Variants in DLGAP2 observed in about 807,000 individuals in gnomAD.
DLGAP2 encodes the protein disks large-associated protein 2.
A neutral mutation model predicts 100.3 loss-of-function variants in DLGAP2; 26 were observed. The ratio of observed to expected loss-of-function variants is 0.26; its 90% CI spans 0.19 to 0.36. DLGAP2 has a LOEUF of 0.36. Ranked by LOEUF, DLGAP2 falls within the 10% of genes least tolerant of loss-of-function variation. The pLI, the probability that DLGAP2 is intolerant of heterozygous loss-of-function variation, is 1.00. For synonymous variants in DLGAP2, 886 were observed against 630.1 expected (o/e 1.41, Z -6.08); for missense variants, 1,858 against 1,453.2 (o/e 1.28, Z -4.53).
Position 1,565,376 on chromosome 8 carries a change from A to C in DLGAP2, c.1231-307A>C, listed in dbSNP as rs576294906. The C allele has an allele frequency of 9.9e-6, 3 of 301,950 alleles. No individual in the cohort carries two copies. In the East Asian group the frequency reaches 1.7e-4, roughly 17 times the overall value. The allele number at this position is 301,950 out of a possible 1,614,324, so 18.7% of individuals were successfully genotyped here. On this transcript the variant is annotated intron_variant, in intron 5 of 14. Coordinates refer to ENST00000637795, the MANE Select transcript of DLGAP2 (RefSeq NM_001346810.2). ...TTTCCTCTTATACCAGAGGGAAATA[A>C]AACTAAATTTTAGCCAGTGCTTTGT...
chr8:1,510,367 G>T (rs910004543), intron 4 of DLGAP2, among the ~76,000 whole-genome samples: 5 of 152,338 alleles, frequency 3.3e-5, no homozygotes. Flanking sequence ...CAGGCTTCCA[G>T]AGGAACTCTG....
chr8:1,244,643 C>G (rs921469418), intron 2 of DLGAP2, among the ~76,000 whole-genome samples: 1 of 151,766 alleles, frequency 6.6e-6, no homozygotes, highest in Admixed American at 6.6e-5. Flanking sequence ...CAAAATGGGT[C>G]GAAGACCTAA....
intron 3 of DLGAP2, among the ~76,000 whole-genome samples, chr8:1,453,880 A>G (rs527329500): frequency 6.6e-6 from 1 of 152,348 alleles, no homozygotes; most frequent in East Asian, 1.9e-4. Context: ...GAAACTGGAT[A>G]TTCAGATGCT....
At chr8:1,185,279 T>A (rs73537272) in intron 2 of DLGAP2, among the ~76,000 whole-genome samples, 18,233 of 152,070 alleles carry the variant, frequency 0.12, 2,158 homozygotes, top group African/African-American at 0.31. Flanking sequence ...TTTGTCAAAC[T>A]TCAGGGCTGT....
intron 1 of DLGAP2, among the ~76,000 whole-genome samples, chr8:784,870 G>A (rs1366012445): frequency 6.6e-6 from 1 of 152,118 alleles, no homozygotes; most frequent in Non-Finnish European, 1.5e-5. Flanking sequence ...CTTGACCTCA[G>A]GAGGTGTGAG....
intron 13 of DLGAP2, among the ~76,000 whole-genome samples, chr8:1,694,431 A>G (rs1244328343): frequency 6.6e-6 from 1 of 152,244 alleles, no homozygotes; most frequent in Non-Finnish European, 1.5e-5. Flanking sequence ...GACTGACCAC[A>G]GGGAGCGGAG....
intron 2 of DLGAP2, among the ~76,000 whole-genome samples, chr8:1,218,875 C>G (rs1406025823): frequency 2.6e-5 from 4 of 151,908 alleles, no homozygotes; most frequent in Admixed American, 2.6e-4. Context: ...GAATTTTATT[C>G]ATTTTGTGAC....
In DLGAP2 at chr8:1,078,803, C is replaced by A. The variant is rs74593063; in HGVS notation, c.73+170837C>A. On this transcript the variant is annotated intron_variant, in intron 2 of 14. Transcript: ENST00000637795. ...AATGTACCATAGTTTATTCATTCACCTAATGAAGGACATCGCAGTTGCTTC... is the reference window on the plus strand; with the variant it reads ...AATGTACCATAGTTTATTCATTCACATAATGAAGGACATCGCAGTTGCTTC... 3.6e-3 allele frequency among the ~76,000 whole-genome samples: 555 copies of A among 152,232 alleles called. 26 individuals carry two copies. In the East Asian group the frequency reaches 0.098, roughly 27 times the overall value.
At position 744,231 on chromosome 8, in the gene DLGAP2, CG is replaced by C. The variant is rs1205541548; in HGVS notation, c.18+6407del. Among the ~76,000 whole-genome samples the C allele has an allele frequency of 7.2e-5, 11 of 152,276 alleles. No homozygotes were observed. In the South Asian group the frequency reaches 2.3e-3, roughly 32 times the overall value. On this transcript the variant is annotated intron_variant, in intron 1 of 14. Coordinates refer to ENST00000637795, the MANE Select transcript of DLGAP2 (RefSeq NM_001346810.2). ...AGCGTCTCCTCTCCACATATACCCC[CG>C]ACCCACGAGATTGGGTTGGGAAGGT...
chr8:880,203 C>T (rs944434620), intron 1 of DLGAP2, among the ~76,000 whole-genome samples: 4 of 152,200 alleles, frequency 2.6e-5, no homozygotes, highest in Admixed American at 1.3e-4. Context: ...ATCTCCTTCT[C>T]TTAGGTTTGT....
intron 1 of DLGAP2, among the ~76,000 whole-genome samples, chr8:777,373 G>A (rs1821551953): frequency 6.6e-6 from 1 of 151,740 alleles, no homozygotes; most frequent in Non-Finnish European, 1.5e-5. Flanking sequence ...ATTGTTATGT[G>A]TGAATTTGAT....
intron 2 of DLGAP2, among the ~76,000 whole-genome samples, chr8:1,140,055 T>G (rs1796494930): frequency 6.6e-6 from 1 of 152,168 alleles, no homozygotes; most frequent in South Asian, 2.1e-4. Context: ...GTGCTTTTTT[T>G]CTATGTAAGC....
At chr8:1,328,239 A>T (rs533151989) in intron 3 of DLGAP2, among the ~76,000 whole-genome samples, 164 of 151,594 alleles carry the variant, frequency 1.1e-3, no homozygotes, top group African/African-American at 3.7e-3. Context: ...ACAGGATTTC[A>T]CCTCATTGGC....
chr8:923,674 G>T (rs1563097249), intron 2 of DLGAP2, among the ~76,000 whole-genome samples: 1 of 152,154 alleles, frequency 6.6e-6, no homozygotes, highest in Non-Finnish European at 1.5e-5. Flanking sequence ...GGTGCATAGG[G>T]GACAGTCAGT....
chr8:780,407 T>C (rs1821652072), intron 1 of DLGAP2, among the ~76,000 whole-genome samples: 1 of 152,224 alleles, frequency 6.6e-6, no homozygotes, highest in Non-Finnish European at 1.5e-5. Context: ...CGTAGGTTGA[T>C]TCCATATCTT....
intron 1 of DLGAP2, among the ~76,000 whole-genome samples, chr8:823,709 G>C (rs1440058482): frequency 6.6e-6 from 1 of 152,150 alleles, no homozygotes; most frequent in Non-Finnish European, 1.5e-5. Flanking sequence ...AAATGTTTTT[G>C]TTGTTGATGT....
chr8:1,381,825 T>TGTG (rs1247904894), intron 3 of DLGAP2, among the ~76,000 whole-genome samples: 12 of 101,440 alleles, frequency 1.2e-4, no homozygotes, highest in East Asian at 3.2e-4. Flanking sequence ...GTGTGTGTGT[T>TGTG]TGTATCACAT....
chr8:1,428,125 TA>T (rs1797289571), intron 3 of DLGAP2, among the ~76,000 whole-genome samples: 1 of 150,822 alleles, frequency 6.6e-6, no homozygotes, highest in African/African-American at 2.4e-5. Flanking sequence ...AAGAAAATGA[TA>T]AATATAAAAT....
intron 3 of DLGAP2, among the ~76,000 whole-genome samples, chr8:1,264,372 C>G (rs13253706): frequency 0.16 from 24,098 of 152,124 alleles, 2,233 homozygotes; most frequent in Middle Eastern, 0.29. Flanking sequence ...GACACTCACC[C>G]AGCTTCCCCG....
Sources: allele counts gnomAD v4.1 joint callset (sites outside exome capture counted in the v4.1 genomes callset), GRCh38; gene constraint gnomAD v4.1.1; transcripts MANE v1.5; gene names NCBI Gene and HGNC (gene_info 2026-07-23, HGNC 2026-07-21).